LTF: variants seen among roughly 807,000 people sequenced by gnomAD.
The protein encoded by LTF is epididymis luminal protein 110.
In LTF, 91 loss-of-function variants were observed where a neutral mutation model predicts 87.2. The ratio of observed to expected loss-of-function variants is 1.04; its 90% CI spans 0.88 to 1.24. LTF has a LOEUF of 1.24. Ranked by LOEUF, LTF falls within the 50% of genes most tolerant of loss-of-function variation. LTF has a pLI of 0.00. For missense variants in LTF, 901 were observed against 904.3 expected (o/e 1.00, Z 0.05); for synonymous variants, 378 against 356.1 (o/e 1.06, Z -0.69).
At chr3:46,450,072 G>A (rs781432194) in intron 7 of LTF, 44 bp from the exon 8 acceptor site, 3 of 1,438,988 alleles carry the variant, frequency 2.1e-6, no homozygotes, top group East Asian at 2.3e-5. Flanking sequence ...GGTAAATAGG[G>A]AGGAAACAAA....
chr3:46,458,717 G>A (rs1703003662), intron 2 of LTF, among the ~76,000 whole-genome samples: 1 of 152,186 alleles, frequency 6.6e-6, no homozygotes, highest in South Asian at 2.1e-4. Flanking sequence ...TGGGAATACA[G>A]GCATGTGCCA....
intron 6 of LTF, among the ~76,000 whole-genome samples, chr3:46,451,735 C>G (rs977420879): frequency 6.6e-6 from 1 of 152,164 alleles, no homozygotes. Flanking sequence ...GCTGGGACCA[C>G]AAGCGCACGC....
rs573313429 is a variant in LTF at position 46,445,391 on chromosome 3, G to A, written c.1403C>T (p.Thr468Ile). ...CTTCTTGCCTTTCACAGAGTTCCAG[G>A]TAAGGCTAGTGTCTGATCTCCTAAC... ...AVVRRSDTSLTWNSVKGKKSC... is the reference protein window; with the variant it reads ...AVVRRSDTSLIWNSVKGKKSC... Residue 468 changes from threonine to isoleucine, a missense_variant, in exon 12 of 17, where the codon ACC (threonine) becomes ATC (isoleucine). By Grantham distance (89) the Thr-to-Ile change is moderately conservative. Coordinates refer to ENST00000231751, the MANE Select transcript of LTF (RefSeq NM_002343.6). 7.4e-6 allele frequency: 12 copies of A among 1,613,928 alleles called. No homozygotes were observed. In the South Asian group the frequency reaches 1.2e-4, roughly 16 times the overall value.
At chr3:46,449,827 C>T in intron 8 of LTF, 27 bp downstream of exon 8, 2 of 1,613,394 alleles carry the variant, frequency 1.2e-6, no homozygotes, top group South Asian at 1.1e-5. Context: ...ACCAGGCGGA[C>T]CTCAGGACCC....
chr3:46,484,214 A>G (rs1455055639), intron 1 of LTF, among the ~76,000 whole-genome samples: 1 of 152,204 alleles, frequency 6.6e-6, no homozygotes, highest in Non-Finnish European at 1.5e-5. Flanking sequence ...ATGATTACCC[A>G]AGTCATAGTG....
intron 1 of LTF, among the ~76,000 whole-genome samples, chr3:46,472,061 T>C (rs965220293): frequency 2.0e-5 from 3 of 152,100 alleles, no homozygotes; most frequent in Admixed American, 2.0e-4. Context: ...ATAAGTCTTT[T>C]CCAGCGACCC....
In LTF at chr3:46,482,609, G is replaced by GAAGAAAGAAAGA. The variant is rs1179613670; in HGVS notation, c.-320+2365_-320+2376dup. Among the ~76,000 whole-genome samples the GAAGAAAGAAAGA allele has an allele frequency of 9.5e-3, 543 of 56,916 alleles. 66 individuals are homozygous for GAAGAAAGAAAGA. The highest frequency in any genetic ancestry group is 0.019 in the African/African-American group (253 of 13,086). The allele number at this position is 56,916 out of a possible 152,430, so 37.3% of individuals were successfully genotyped here. On this transcript the variant is annotated intron_variant, in intron 1 of 19. Transcript: ENST00000443496. ...GGAGAAAGAGAGAGAAAGAAAGAAA[G>GAAGAAAGAAAGA]AAGAAAGAAAGAAAGAAAGAAAGAA...
chr3:46,464,801 G>A (rs764819580), intron 1 of LTF, 24 bp downstream of exon 1: 12 of 1,613,430 alleles, frequency 7.4e-6, no homozygotes, highest in Non-Finnish European at 7.6e-6. Context: ...CAGGCGGCTC[G>A]CGCCCCCAGG....
At chr3:46,458,427 T>A (rs1702992682) in intron 2 of LTF, among the ~76,000 whole-genome samples, 1 of 152,240 alleles carries the variant, frequency 6.6e-6, no homozygotes, top group Non-Finnish European at 1.5e-5. Flanking sequence ...ATCAGACGCG[T>A]TCAGCGTGGT....
At chr3:46,449,521 T>C (rs1368068971) in intron 8 of LTF, among the ~76,000 whole-genome samples, 1 of 151,972 alleles carries the variant, frequency 6.6e-6, no homozygotes, top group African/African-American at 2.4e-5. Context: ...AAGTTCAAGG[T>C]CTGGGCCTGG....
At position 46,482,565 on chromosome 3, in the gene LTF, G is replaced by A. The variant is rs1365656136; in HGVS notation, c.-320+2421C>T. 7.4e-3 allele frequency among the ~76,000 whole-genome samples: 811 copies of A among 109,750 alleles called. 178 individuals carry two copies. Among genetic ancestry groups the A allele is most frequent in the East Asian group, 0.011 (37 of 3,254 alleles). The allele number at this position is 109,750 out of a possible 152,430, so 72.0% of individuals were successfully genotyped here. A position where few individuals can be genotyped will look rare whatever the true frequency, so the allele number is the denominator to read the frequency against. On this transcript the variant is annotated intron_variant, in intron 1 of 19. Transcript: ENST00000443496. ...GAAGGGAAGGGAAGGGAAGGGAAGG[G>A]AAGGGAAAGGAAAGGAAGGGAGAAA... is the stretch of plus-strand genomic sequence containing the variant.
At chr3:46,474,027 C>T (rs1703326614) in intron 1 of LTF, among the ~76,000 whole-genome samples, 1 of 151,954 alleles carries the variant, frequency 6.6e-6, no homozygotes, top group African/African-American at 2.4e-5. Context: ...AAGTAACCCA[C>T]AGGACAGTGA....
At chr3:46,457,799 A>T (rs1455381835) in intron 2 of LTF, among the ~76,000 whole-genome samples, 1 of 151,566 alleles carries the variant, frequency 6.6e-6, no homozygotes, top group East Asian at 1.9e-4. Context: ...TTATTTATTT[A>T]TTTTTTCGAG....
intron 1 of LTF, among the ~76,000 whole-genome samples, chr3:46,462,669 G>A (rs763757376): frequency 1.7e-4 from 26 of 152,136 alleles, no homozygotes; most frequent in Non-Finnish European, 2.5e-4. Context: ...TGTGACTCAC[G>A]GGAGACTCTC....
chr3:46,443,473 G>C lies in LTF; in HGVS notation c.1623C>G (p.Asn541Lys). 1 of 1,613,908 alleles carries C rather than the reference G, an allele frequency of 6.2e-7. No homozygotes were observed. The highest frequency in any genetic ancestry group is 8.5e-7 in the Non-Finnish European group (1 of 1,179,952). Reference protein sequence around the residue: ...QGENKCVPNSNERYYGYTGAF... With the variant: ...QGENKCVPNSKERYYGYTGAF... ...CCCCAGTGTAGCCGTAGTATCTCTC[G>C]TTGCTGTTGGGCACGCACTTATTCT... Residue 541 changes from asparagine (N) to lysine (K), a missense_variant, in exon 13 of 17, where the codon AAC (asparagine) becomes AAG (lysine). Physicochemically the swap from Asn to Lys is moderately conservative, Grantham distance 94 (BLOSUM62 0). Transcript: ENST00000231751.
At chr3:46,482,847 G>A (rs1207842416) in intron 1 of LTF, among the ~76,000 whole-genome samples, 4 of 148,920 alleles carry the variant, frequency 2.7e-5, no homozygotes, top group African/African-American at 9.9e-5. Context: ...GGGAGGGAGG[G>A]ACAAGAGACA....
chr3:46,468,031 G>A (rs550454498), upstream of LTF, among the ~76,000 whole-genome samples: 20 of 152,228 alleles, frequency 1.3e-4, no homozygotes, highest in East Asian at 1.2e-3. Flanking sequence ...CCAAAGAGCC[G>A]CAGAGGCACC....
intron 16 of LTF, 113 bp from the exon 17 acceptor site, chr3:46,436,342 C>T (rs1448246819): frequency 2.1e-6 from 2 of 952,682 alleles, no homozygotes; most frequent in Non-Finnish European, 3.4e-6. Context: ...CTTCTCCCAT[C>T]ACTGAGTCAG....
At chr3:46,477,370 G>A (rs1394754000) in intron 1 of LTF, among the ~76,000 whole-genome samples, 2 of 152,212 alleles carry the variant, frequency 1.3e-5, no homozygotes, top group South Asian at 2.1e-4. Flanking sequence ...TGGCCCTTCT[G>A]AGCACATCCC....
Sources: allele counts gnomAD v4.1 joint callset (sites outside exome capture counted in the v4.1 genomes callset), GRCh38; gene constraint gnomAD v4.1.1; transcripts MANE v1.5; gene names NCBI Gene and HGNC (gene_info 2026-07-23, HGNC 2026-07-21).